BIN1: variants seen among roughly 807,000 people sequenced by gnomAD.
BIN1 encodes myc box-dependent-interacting protein 1.
In BIN1, 53 loss-of-function variants were observed where a neutral mutation model predicts 82.0. The observed-to-expected ratio is 0.65, with a 90% CI of 0.52 to 0.81. The LOEUF is 0.81. Among genes scored for constraint, BIN1 ranks in the 40% least tolerant of loss-of-function variants. The probability of loss-of-function intolerance (pLI) is 0.00; values close to 1 mark genes in which losing one functional copy is unlikely to be tolerated. For missense variants in BIN1, 642 were observed against 784.4 expected, an observed-to-expected ratio of 0.82 and a Z score of 2.17; for synonymous variants, 302 against 328.0, an observed-to-expected ratio of 0.92 and a Z score of 0.86.
chr2:127,059,047 G>A lies in BIN1; in HGVS notation c.966C>T (p.Ala322=), dbSNP rs1320921380. 6.4e-7 allele frequency: 1 copy of A among 1,569,490 alleles called. No individual in the cohort carries two copies. The highest frequency in any genetic ancestry group is 8.6e-7 in the Non-Finnish European group (1 of 1,157,286). The stretch of plus-strand genomic sequence containing the variant: ...ACTTGGGGAGGGTGGCCCCGGGCGT[G>A]GCCCCGCCGGCCGGCTCTGGCTCGT... ...VNHEPEPAGG[A]TPGATLPKSP... The change falls in exon 11 of 19, where the codon GCC becomes GCT. Residue 322 remains alanine (A), a synonymous_variant. Coordinates refer to ENST00000316724, the MANE Select transcript of BIN1 (RefSeq NM_139343.3). This position sits in a 1 kb window ranked among gnomAD's most constrained non-coding sequence, Gnocchi z 6.7.
At chr2:127,100,248 A>G (rs2105334097) in intron 1 of BIN1, among the ~76,000 whole-genome samples, 1 of 152,282 alleles carries the variant, frequency 6.6e-6, no homozygotes, top group South Asian at 2.1e-4. Flanking sequence ...AGGTGTTCCC[A>G]TCACCCCAGA....
rs1033120730 is a variant in BIN1, at chr2:127,106,441, C to T, written c.84+419G>A. 2.0e-5 allele frequency among the ~76,000 whole-genome samples: 3 copies of T among 152,256 alleles called. No homozygotes were observed. The South Asian group carries it at 6.2e-4, about 31-fold the overall frequency. On this transcript the variant is annotated intron_variant, in intron 1 of 18. Coordinates refer to ENST00000316724, the MANE Select transcript of BIN1 (RefSeq NM_139343.3). ...GGCAGAGGGACATACTCCCTCTCGC[C>T]CCGAGCGCCGGCCCAGCCTAGGTTG...
intron 1 of BIN1, chr2:127,081,973 A>C (rs959026619): frequency 1.0e-5 from 11 of 1,077,752 alleles, no homozygotes; most frequent in Non-Finnish European, 1.3e-5. Flanking sequence ...CGGCGTTCTC[A>C]CACCGAGGCT....
At chr2:127,098,377 T>G (rs964739726) in intron 1 of BIN1, among the ~76,000 whole-genome samples, 1 of 152,070 alleles carries the variant, frequency 6.6e-6, no homozygotes, top group African/African-American at 2.4e-5. Context: ...CAATCCGGGC[T>G]CAGCCACCAG....
At chr2:127,083,679 T>C (rs1399696794) in intron 1 of BIN1, among the ~76,000 whole-genome samples, 1 of 152,206 alleles carries the variant, frequency 6.6e-6, no homozygotes, top group African/African-American at 2.4e-5. Flanking sequence ...GGTTCACATA[T>C]TGCTTCTGAT....
At chr2:127,070,434 C>T in intron 4 of BIN1, 119 bp downstream of exon 4, 2 of 1,259,186 alleles carry the variant, frequency 1.6e-6, no homozygotes, top group South Asian at 1.2e-5. Context: ...CCCCAGGGCA[C>T]ACAGCACGCG....
chr2:127,057,453 C>T lies in BIN1; in HGVS notation c.1131+20G>A, dbSNP rs1369794139. On this transcript the variant is annotated intron_variant, in intron 12 of 18. Coordinates refer to ENST00000316724, the MANE Select transcript of BIN1 (RefSeq NM_139343.3). This position sits in a 1 kb window ranked among gnomAD's most constrained non-coding sequence, Gnocchi z 5.0. ...AGGGCAGGAAGAGAGGAGAGCTGGG[C>T]CGCGGCGGCCGCGGCTGACCTGGGA... 6.5e-7 allele frequency: 1 copy of T among 1,540,332 alleles called. No homozygotes were observed. The highest frequency in any genetic ancestry group is 1.4e-5 in the African/African-American group (1 of 73,014).
chr2:127,052,426 G>T, intron 14 of BIN1, 64 bp from the exon 15 acceptor site: 1 of 1,423,964 alleles, frequency 7.0e-7, no homozygotes, highest in Non-Finnish European at 9.7e-7. Flanking sequence ...AAAGGCAATG[G>T]GCAGGATCAC....
At chr2:127,097,925 C>T (rs1679807517) in intron 1 of BIN1, among the ~76,000 whole-genome samples, 1 of 152,224 alleles carries the variant, frequency 6.6e-6, no homozygotes, top group African/African-American at 2.4e-5. Context: ...CTCCTTTGCC[C>T]TCTGAACTTG....
intron 10 of BIN1, among the ~76,000 whole-genome samples, chr2:127,060,331 G>A (rs371298698): frequency 1.3e-5 from 2 of 152,210 alleles, no homozygotes; most frequent in Admixed American, 6.5e-5. Context: ...TGCTAAGTGC[G>A]CTGGTGGCCC....
intron 1 of BIN1, among the ~76,000 whole-genome samples, chr2:127,092,216 C>A (rs1005632032): frequency 6.6e-6 from 1 of 152,166 alleles, no homozygotes; most frequent in Non-Finnish European, 1.5e-5. Context: ...TAACCCTGCC[C>A]GTCCTGTGCT....
At position 127,082,926 on chromosome 2, in the gene BIN1, C is replaced by G. The variant is rs1687482214; in HGVS notation, c.85-6220G>C. On this transcript the variant is annotated intron_variant, in intron 1 of 18. Transcript: ENST00000316724. This position sits in a 1 kb window ranked among gnomAD's most constrained non-coding sequence, Gnocchi z 6.1. ...GAAAAGAGGTTCTAAGCCCACCACT[C>G]ACCTCCACATTTCATGTGGCCCTCT... Among the ~76,000 whole-genome samples the G allele has an allele frequency of 6.6e-6, 1 of 152,032 alleles. No individual in the cohort carries two copies. Among genetic ancestry groups the G allele is most frequent in the Non-Finnish European group, 1.5e-5 (1 of 67,994 alleles).
rs372728300 is a variant in BIN1, at chr2:127,069,870, C to T, written c.411+125G>A. ...GGAGCAACCCCGGAGGGGTGAAACA[C>T]CGGGCCAGGCGCTTCCTGCCTCCAG... On this transcript the variant is annotated intron_variant, in intron 5 of 18. Transcript: ENST00000316724. 7 of 974,516 alleles carry T rather than the reference C, an allele frequency of 7.2e-6. No individual in the cohort carries two copies. The African/African-American group carries it at 9.7e-5, about 14-fold the overall frequency. The allele number at this position is 974,516 out of a possible 1,614,324, so 60.4% of individuals were successfully genotyped here.
Position 127,057,359 on chromosome 2 carries a change from A to C in BIN1, c.1131+114T>G. 1 of 1,321,028 alleles carries C rather than the reference A, an allele frequency of 7.6e-7. No homozygotes were observed. Among genetic ancestry groups the C allele is most frequent in the African/African-American group, 1.5e-5 (1 of 67,480 alleles). 81.8% of individuals were successfully genotyped at this position (1,321,028 alleles called of 1,614,324 possible). The stretch of plus-strand genomic sequence containing the variant: ...CAAAGGGTGAGAGAGGGAAACTGAC[A>C]CTCTCTCTGGCCAGATTCCTGGCTC... On this transcript the variant is annotated intron_variant, in intron 12 of 18. Transcript: ENST00000316724. This position sits in a 1 kb window ranked among gnomAD's most constrained non-coding sequence, Gnocchi z 5.0.
rs1684081503 is a variant in BIN1, at chr2:127,059,036, G to A, written c.977C>T (p.Ala326Val). The A allele has an allele frequency of 1.3e-6, 2 of 1,562,492 alleles. No homozygotes were observed. Among genetic ancestry groups the A allele is most frequent in the South Asian group, 1.2e-5 (1 of 84,940 alleles). Residue 326 changes from alanine (A) to valine (V), a missense_variant, in exon 11 of 19, where the codon GCC becomes GTC. Ala to Val is a moderately conservative substitution (Grantham distance 64). Transcript: ENST00000316724. The surrounding 1 kb of genome is among the most constrained non-coding windows in gnomAD (Gnocchi z 6.7). ...PEPAGGATPG[A>V]TLPKSPSQLR... ...CTGAGATGGGGACTTGGGGAGGGTGGCCCCGGGCGTGGCCCCGCCGGCCGG... is the reference window on the plus strand; with the variant it reads ...CTGAGATGGGGACTTGGGGAGGGTGACCCCGGGCGTGGCCCCGCCGGCCGG...
rs1205463660 is a variant in BIN1, at chr2:127,068,795, T to C, written c.519+129A>G. 6.8e-6 allele frequency: 6 copies of C among 885,982 alleles called. No individual in the cohort carries two copies. The highest frequency in any genetic ancestry group is 1.1e-5 in the Non-Finnish European group (6 of 547,824). The allele number at this position is 885,982 out of a possible 1,614,324, so 54.9% of individuals were successfully genotyped here. A position where few individuals can be genotyped will look rare whatever the true frequency, so the allele number is the denominator to read the frequency against. ...GCCTCTCACTCACCGGCCTGGGCCC[T>C]GTATCGTCCCCACCCCCAGTTCAGC... On this transcript the variant is annotated intron_variant, in intron 6 of 18. Transcript: ENST00000316724. This position sits in a 1 kb window ranked among gnomAD's most constrained non-coding sequence, Gnocchi z 4.9.
intron 16 of BIN1, 71 bp downstream of exon 16, chr2:127,051,083 C>G (rs1443707715): frequency 3.8e-6 from 6 of 1,586,710 alleles, no homozygotes; most frequent in Non-Finnish European, 5.2e-6. Context: ...CAGCAGGGGC[C>G]ACAGGGGAGC....
chr2:127,097,335 C>T (rs532794946), intron 1 of BIN1, among the ~76,000 whole-genome samples: 1 of 147,778 alleles, frequency 6.8e-6, no homozygotes, highest in Admixed American at 6.7e-5. Context: ...GGCCCAGGAG[C>T]GTCACCCCTC....
chr2:127,085,265 A>C (rs963958428), intron 1 of BIN1, among the ~76,000 whole-genome samples: 1 of 152,120 alleles, frequency 6.6e-6, no homozygotes, highest in African/African-American at 2.4e-5. Flanking sequence ...GAGTCCCAGG[A>C]AGCAAGCCCA....
Sources: gnomAD v4.1 joint callset for allele counts (sites outside exome capture counted in the v4.1 genomes callset) on GRCh38, gnomAD v4.1.1 for gene constraint, Gnocchi (gnomAD v3.1) non-coding constraint, MANE v1.5 for transcripts, NCBI Gene and HGNC (gene_info 2026-07-23, HGNC 2026-07-21) for gene names.